Variants in AP2S1 observed in about 807,000 individuals in gnomAD.
AP2S1 encodes the protein adaptor related protein complex 2 subunit sigma 1, also known as AP-2 complex subunit sigma.
Under a neutral mutation model 21.0 loss-of-function variants are expected in AP2S1, and 6 were observed. The observed-to-expected ratio is 0.29, with a 90% CI of 0.16 to 0.56. The LOEUF is 0.56. Ranked by LOEUF, AP2S1 falls within the 20% of genes least tolerant of loss-of-function variation. The pLI, the probability that AP2S1 is intolerant of heterozygous loss-of-function variation, is 0.92. For synonymous variants in AP2S1, 63 were observed against 74.6 expected, an observed-to-expected ratio of 0.84 and a Z score of 0.80; for missense variants, 60 against 186.2, an observed-to-expected ratio of 0.32 and a Z score of 3.95.
intron 3 of AP2S1, 25 bp downstream of exon 3, chr19:46,839,440 A>ACCCC: frequency 6.8e-6 from 5 of 738,218 alleles, no homozygotes; most frequent in Non-Finnish European, 1.1e-5. Flanking sequence ...CCGCCTCCCC[A>ACCCC]CCTTACATCC....
intron 1 of AP2S1, among the ~76,000 whole-genome samples, chr19:46,849,322 C>G (rs2122811593): frequency 6.6e-6 from 1 of 150,426 alleles, no homozygotes; most frequent in Non-Finnish European, 1.5e-5. Context: ...CTTTCCTAAG[C>G]CTCATTCTCC....
chr19:46,843,490 G>A (rs868271520), intron 2 of AP2S1, among the ~76,000 whole-genome samples: 1 of 152,182 alleles, frequency 6.6e-6, no homozygotes, highest in Admixed American at 6.6e-5. Flanking sequence ...GGGAAGCTGC[G>A]GTGGGCGGAT....
rs535955106 is a variant in AP2S1, at chr19:46,841,051, T to G, written c.154-1473A>C. Reference sequence around the variant, plus strand: ...TCACTGCAACCTCTGCCTCCCAGGTTCAAGCAATTCTCCTGCCTCAGCCTC... The same window carrying G: ...TCACTGCAACCTCTGCCTCCCAGGTGCAAGCAATTCTCCTGCCTCAGCCTC... On this transcript the variant is annotated intron_variant, in intron 2 of 4. Coordinates refer to ENST00000263270, the MANE Select transcript of AP2S1 (RefSeq NM_004069.6). Among the ~76,000 whole-genome samples the G allele has an allele frequency of 3.3e-5, 5 of 152,176 alleles. No individual in the cohort carries two copies. The South Asian group carries it at 1.0e-3, about 32-fold the overall frequency.
chr19:46,843,072 G>A (rs1246452237), intron 2 of AP2S1, among the ~76,000 whole-genome samples: 1 of 152,042 alleles, frequency 6.6e-6, no homozygotes, highest in South Asian at 2.1e-4. Flanking sequence ...CTTCACCTCC[G>A]CCTGCCCTTC....
intron 2 of AP2S1, among the ~76,000 whole-genome samples, chr19:46,843,146 T>C (rs2055558384): frequency 1.3e-5 from 2 of 152,146 alleles, no homozygotes; most frequent in South Asian, 4.1e-4. Context: ...GGAAATCTAA[T>C]TGTCGCCCTG....
intron 2 of AP2S1, among the ~76,000 whole-genome samples, chr19:46,840,367 C>CAAA (rs60907407): frequency 0.026 from 2,653 of 100,336 alleles, 73 homozygotes; most frequent in Middle Eastern, 0.045. Context: ...AGGTTCATTA[C>CAAA]AAAAAAAAAA....
chr19:46,840,781 G>C (rs548444244), intron 2 of AP2S1, among the ~76,000 whole-genome samples: 3 of 137,100 alleles, frequency 2.2e-5, no homozygotes, highest in South Asian at 2.3e-4. Flanking sequence ...GCAGTGGCTC[G>C]ATCTCGGCTC....
Position 46,838,299 on chromosome 19 carries a change from A to G in AP2S1, c.*148T>C, listed in dbSNP as rs2055447142. On this transcript the variant is annotated 3_prime_UTR_variant, in exon 5 of 5. Coordinates refer to ENST00000263270, the MANE Select transcript of AP2S1 (RefSeq NM_004069.6). This position sits in a 1 kb window ranked among gnomAD's most constrained non-coding sequence, Gnocchi z 4.1. ...CCAGGGCCCAGAGGCAGTGGGGTGC[A>G]GTCTCCTCCCTTGTGGCCCAGACCC... 1 of 680,530 alleles carries G rather than the reference A, an allele frequency of 1.5e-6. No individual in the cohort carries two copies. The highest frequency in any genetic ancestry group is 1.8e-5 in the African/African-American group (1 of 56,068). The allele number at this position is 680,530 out of a possible 1,614,324, so 42.2% of individuals were successfully genotyped here.
intron 1 of AP2S1, 31 bp downstream of exon 1, chr19:46,850,730 TCCG>T: frequency 6.5e-7 from 1 of 1,531,984 alleles, no homozygotes; most frequent in East Asian, 2.3e-5. Flanking sequence ...GGGCCCCCCC[TCCG>T]CCAGTCCCCG....
chr19:46,839,286 CAAAAAAAA>C (rs771792607), intron 3 of AP2S1, among the ~76,000 whole-genome samples, 171 bp downstream of exon 3: 22 of 72,920 alleles, frequency 3.0e-4, no homozygotes, highest in South Asian at 1.5e-3. Flanking sequence ...GACTCCGTCT[CAAAAAAAA>C]AAAAAAAAAA....
chr19:46,850,672 A>T, intron 1 of AP2S1, 92 bp downstream of exon 1: 1 of 1,174,778 alleles, frequency 8.5e-7, no homozygotes, highest in Non-Finnish European at 1.3e-6. Flanking sequence ...CATCCGCGGC[A>T]GAGAAGGGAC....
chr19:46,846,776 C>T (rs193249931), intron 1 of AP2S1, among the ~76,000 whole-genome samples: 1 of 152,260 alleles, frequency 6.6e-6, no homozygotes, highest in East Asian at 1.9e-4. Flanking sequence ...AGCGATTCTC[C>T]TGCCTCAGTG....
At chr19:46,842,955 TC>T (rs746586806) in intron 2 of AP2S1, among the ~76,000 whole-genome samples, 21 of 152,198 alleles carry the variant, frequency 1.4e-4, no homozygotes, top group Non-Finnish European at 2.8e-4. Flanking sequence ...CGTTTCCATA[TC>T]CTACCCAGCT....
chr19:46,848,944 C>T (rs1398016465), intron 1 of AP2S1, among the ~76,000 whole-genome samples: 1 of 151,466 alleles, frequency 6.6e-6, no homozygotes, highest in Non-Finnish European at 1.5e-5. Context: ...AACTCCTGAC[C>T]TTGTGATCTG....
chr19:46,846,187 G>C (rs761879216), intron 1 of AP2S1, 45 bp from the exon 2 acceptor site: 2 of 1,609,192 alleles, frequency 1.2e-6, no homozygotes, highest in South Asian at 1.1e-5. Context: ...GAGGCAGAGA[G>C]GGCGGGTTGG....
chr19:46,844,150 A>T (rs1056838120), intron 2 of AP2S1, among the ~76,000 whole-genome samples: 1 of 151,822 alleles, frequency 6.6e-6, no homozygotes, highest in Non-Finnish European at 1.5e-5. Context: ...TGATCCACCC[A>T]CCTTGGCCTC....
intron 1 of AP2S1, 192 bp downstream of exon 1, chr19:46,850,572 G>C: frequency 4.7e-6 from 3 of 633,292 alleles, no homozygotes; most frequent in Non-Finnish European, 8.0e-6. Flanking sequence ...CGAGACCCCT[G>C]GTAACCCCCG....
intron 1 of AP2S1, chr19:46,850,062 C>T: frequency 7.7e-6 from 9 of 1,171,612 alleles, no homozygotes; most frequent in Non-Finnish European, 9.6e-6. Flanking sequence ...GCCTACTCCC[C>T]ACCCCACAAG....
rs528137845 is a variant in AP2S1 at position 46,850,718 on chromosome 19, G to T, written c.3+46C>A. On this transcript the variant is annotated intron_variant, in intron 1 of 4. Coordinates refer to ENST00000263270, the MANE Select transcript of AP2S1 (RefSeq NM_004069.6). ...CCGATCCAGCCTCGGCTATTTACGCGTGGGCCCCCCCTCCGCCAGTCCCCG... is the reference window on the plus strand; with the variant it reads ...CCGATCCAGCCTCGGCTATTTACGCTTGGGCCCCCCCTCCGCCAGTCCCCG... The T allele has an allele frequency of 1.6e-4, 239 of 1,487,334 alleles. 5 individuals carry two copies. Among genetic ancestry groups the T allele is most frequent in the South Asian group, 1.3e-3 (113 of 88,402 alleles). The allele number at this position is 1,487,334 out of a possible 1,614,324, so 92.1% of individuals were successfully genotyped here.
Sources: allele counts gnomAD v4.1 joint callset (sites outside exome capture counted in the v4.1 genomes callset), GRCh38; gene constraint gnomAD v4.1.1; non-coding constraint Gnocchi (gnomAD v3.1); transcripts MANE v1.5; gene names NCBI Gene and HGNC (gene_info 2026-07-23, HGNC 2026-07-21).